Variants in PCDH11X observed in about 807,000 individuals in gnomAD.
PCDH11X encodes protocadherin-11 X-linked.
A neutral mutation model predicts 53.3 loss-of-function variants in PCDH11X; 18 were observed. That is an observed-to-expected ratio of 0.34 (90% confidence interval 0.23 to 0.50). The LOEUF (loss-of-function observed/expected upper bound fraction) is 0.50, where lower values mean the gene tolerates loss of function less well. Ranked by LOEUF, PCDH11X falls within the 20% of genes least tolerant of loss-of-function variation. PCDH11X has a pLI of 0.98. For synonymous variants in PCDH11X, 279 were observed against 393.3 expected, an observed-to-expected ratio of 0.71 and a Z score of 3.44; for missense variants, 570 against 1,032.4, an observed-to-expected ratio of 0.55 and a Z score of 6.14.
At chrX:92,253,121 G>T (rs2067492572) in intron 7 of PCDH11X, among the ~76,000 whole-genome samples, 1 of 111,652 alleles carries the variant, frequency 9.0e-6, no homozygotes, top group Non-Finnish European at 1.9e-5. Context: ...CAATACTCTT[G>T]GGTAATAGAT....
intron 9 of PCDH11X, among the ~76,000 whole-genome samples, chrX:92,424,599 G>A: frequency 1.0e-5 from 1 of 96,028 alleles, no homozygotes; most frequent in Middle Eastern, 5.6e-3. Context: ...CTCTTTTCTG[G>A]TTCCTCTATG....
chrX:92,274,272 G>A lies in PCDH11X; in HGVS notation c.3144+11129G>A, dbSNP rs1043422895. Reference sequence around the variant, plus strand: ...TTGGTGGCTGAGCTTGGTGAGGTGCGTTTTTAAAAGACCTTTAGTCCGTTC... The same window carrying A: ...TTGGTGGCTGAGCTTGGTGAGGTGCATTTTTAAAAGACCTTTAGTCCGTTC... On this transcript the variant is annotated intron_variant, in intron 8 of 10. Transcript: ENST00000682573. 9.2e-5 allele frequency among the ~76,000 whole-genome samples: 10 copies of A among 108,521 alleles called. No homozygotes were observed. In the East Asian group the frequency reaches 9.5e-4, roughly 10 times the overall value. The allele number at this position is 108,521 out of a possible 115,157, so 94.2% of individuals were successfully genotyped here. A position where few individuals can be genotyped will look rare whatever the true frequency, so the allele number is the denominator to read the frequency against.
rs1239164201 is a variant in PCDH11X, at chrX:92,394,808, G to A, written c.3343+6875G>A. Among the ~76,000 whole-genome samples the A allele has an allele frequency of 4.5e-5, 5 of 111,475 alleles. No homozygotes were observed. The East Asian group carries it at 1.4e-3, about 31-fold the overall frequency. The stretch of plus-strand genomic sequence containing the variant: ...ATGATTTATAAATTTTAATGAGTGA[G>A]GAGTATTATAGCAACATATTTTTAA... On this transcript the variant is annotated intron_variant, in intron 9 of 10. Coordinates refer to ENST00000682573, the MANE Select transcript of PCDH11X (RefSeq NM_032968.5).
At chrX:92,276,178 G>A (rs962854664) in intron 8 of PCDH11X, among the ~76,000 whole-genome samples, 11 of 108,927 alleles carry the variant, frequency 1.0e-4, no homozygotes, top group African/African-American at 3.7e-4. Flanking sequence ...TGGAGGCAAG[G>A]GAAACAGGCC....
At chrX:92,475,025 C>G (rs1171717201) in intron 10 of PCDH11X, among the ~76,000 whole-genome samples, 2 of 102,639 alleles carry the variant, frequency 1.9e-5, no homozygotes, top group Admixed American at 2.2e-4. Context: ...ATTAGCCGGG[C>G]GTAGTGGCGG....
At chrX:92,208,635 G>T (rs924688165) in intron 7 of PCDH11X, among the ~76,000 whole-genome samples, 4 of 100,594 alleles carry the variant, frequency 4.0e-5, no homozygotes, top group Non-Finnish European at 8.0e-5. Flanking sequence ...GATAAAGTAA[G>T]ATGATCCTTT....
At chrX:92,208,672 C>A (rs1245914547) in intron 7 of PCDH11X, among the ~76,000 whole-genome samples, 1 of 104,070 alleles carries the variant, frequency 9.6e-6, no homozygotes, top group African/African-American at 3.5e-5. Flanking sequence ...AAGAAATAAA[C>A]AATAAGATAC....
chrX:91,855,877 A>G (rs987834335), intron 5 of PCDH11X, among the ~76,000 whole-genome samples: 2 of 111,774 alleles, frequency 1.8e-5, no homozygotes, highest in African/African-American at 3.2e-5. Flanking sequence ...GAAATTGTTT[A>G]TCATTTCTAA....
chrX:92,395,726 C>G (rs1334985278), intron 9 of PCDH11X, among the ~76,000 whole-genome samples: 2 of 110,711 alleles, frequency 1.8e-5, no homozygotes, highest in Non-Finnish European at 3.8e-5. Context: ...GAGATTTGGC[C>G]CTTTTAAGCA....
chrX:92,407,272 A>G (rs2071541949), intron 9 of PCDH11X, among the ~76,000 whole-genome samples: 1 of 111,563 alleles, frequency 9.0e-6, no homozygotes, highest in Non-Finnish European at 1.9e-5. Context: ...ACAATACTTG[A>G]CCATAACAAA....
At chrX:92,160,102 GTTTA>G (rs1020115781) in intron 6 of PCDH11X, among the ~76,000 whole-genome samples, 1 of 109,308 alleles carries the variant, frequency 9.1e-6, no homozygotes, top group Non-Finnish European at 1.9e-5. Context: ...TTTTTTGTTT[GTTTA>G]TTTATTTTGG....
At chrX:91,802,663 G>A (rs1193346659) in intron 1 of PCDH11X, among the ~76,000 whole-genome samples, 1 of 111,495 alleles carries the variant, frequency 9.0e-6, no homozygotes, top group Non-Finnish European at 1.9e-5. Flanking sequence ...TGGAAAGTCT[G>A]ACTAAATATC....
intron 5 of PCDH11X, among the ~76,000 whole-genome samples, chrX:91,861,078 T>C (rs765031365): frequency 7.5e-4 from 84 of 111,683 alleles, no homozygotes; most frequent in African/African-American, 2.7e-3. Flanking sequence ...GTACCTCTGG[T>C]AGAATTCAGC....
intron 5 of PCDH11X, among the ~76,000 whole-genome samples, chrX:91,853,762 C>T (rs1220002609): frequency 1.8e-5 from 2 of 110,997 alleles, no homozygotes; most frequent in African/African-American, 3.3e-5. Flanking sequence ...GTTTTTTAAG[C>T]GAATATTTTT....
At chrX:92,339,762 G>GCATTA (rs764956045) in intron 8 of PCDH11X, among the ~76,000 whole-genome samples, 4 of 108,343 alleles carry the variant, frequency 3.7e-5, no homozygotes, top group Non-Finnish European at 7.7e-5. Context: ...CCAACACTGG[G>GCATTA]CATTACAATA....
chrX:92,239,423 A>C (rs1188842352), intron 7 of PCDH11X, among the ~76,000 whole-genome samples: 1 of 111,751 alleles, frequency 8.9e-6, no homozygotes, highest in Non-Finnish European at 1.9e-5. Context: ...TGGGAATCAC[A>C]CATGCTTTGT....
At chrX:92,520,495 G>A (rs866663238) in intron 10 of PCDH11X, among the ~76,000 whole-genome samples, 3 of 38,035 alleles carry the variant, frequency 7.9e-5, no homozygotes, top group Non-Finnish European at 1.5e-4. Context: ...TTTTTTTTTT[G>A]TAGAAACAGG....
chrX:92,011,409 C>G (rs1049505431), intron 6 of PCDH11X, among the ~76,000 whole-genome samples: 1 of 112,024 alleles, frequency 8.9e-6, no homozygotes, highest in Non-Finnish European at 1.9e-5. Context: ...TTAATAATAG[C>G]CATTCCAAAA....
chrX:92,525,239 C>A (rs1234778528), intron 10 of PCDH11X, among the ~76,000 whole-genome samples: 1 of 111,055 alleles, frequency 9.0e-6, no homozygotes, highest in Non-Finnish European at 1.9e-5. Context: ...ACTTGTTTTT[C>A]TACTTTATAG....
Sources: allele counts gnomAD v4.1 joint callset (sites outside exome capture counted in the v4.1 genomes callset), GRCh38; gene constraint gnomAD v4.1.1; transcripts MANE v1.5; gene names NCBI Gene and HGNC (gene_info 2026-07-23, HGNC 2026-07-21).